The following FOCAD variants were observed in gnomAD, a reference collection of about 807,000 sequenced individuals.
The protein encoded by FOCAD is KIAA1797.
In FOCAD, 198 loss-of-function variants were observed where a neutral mutation model predicts 225.6. That is an observed-to-expected ratio of 0.88 (90% CI 0.78 to 0.99). The LOEUF (loss-of-function observed/expected upper bound fraction) is 0.99, where lower values mean the gene tolerates loss of function less well. Ranked by LOEUF, FOCAD falls within the 50% of genes least tolerant of loss-of-function variation. The pLI, the probability that FOCAD is intolerant of heterozygous loss-of-function variation, is 0.00. For missense variants in FOCAD, 2,713 were observed against 2,123.6 expected (o/e 1.28, Z -5.46); for synonymous variants, 897 against 755.0 (o/e 1.19, Z -3.08).
chr9:20,877,407 A>G (rs1004816593), intron 19 of FOCAD, among the ~76,000 whole-genome samples: 4 of 152,206 alleles, frequency 2.6e-5, no homozygotes, highest in African/African-American at 7.2e-5. Context: ...TTAAAAGGCA[A>G]TTTACTTGAG....
intron 16 of FOCAD, among the ~76,000 whole-genome samples, chr9:20,865,571 A>G (rs1331799651): frequency 6.6e-6 from 1 of 152,072 alleles, no homozygotes. Flanking sequence ...GAGGTGTACC[A>G]TGTGCCGTAT....
intron 15 of FOCAD, among the ~76,000 whole-genome samples, chr9:20,854,481 A>G (rs1827972273): frequency 6.6e-6 from 1 of 151,748 alleles, no homozygotes; most frequent in African/African-American, 2.4e-5. Flanking sequence ...ACTTCACCAT[A>G]GTCACACAGC....
intron 21 of FOCAD, among the ~76,000 whole-genome samples, chr9:20,890,620 T>C (rs750396670): frequency 2.6e-5 from 4 of 152,258 alleles, no homozygotes; most frequent in Non-Finnish European, 5.9e-5. Flanking sequence ...TGAGACATGT[T>C]GTTCTGTAGT....
chr9:20,949,267 T>C (rs181413086), intron 32 of FOCAD, among the ~76,000 whole-genome samples: 1 of 152,310 alleles, frequency 6.6e-6, no homozygotes, highest in East Asian at 1.9e-4. Flanking sequence ...ATGTCTGATA[T>C]ATGTCTATGT....
chr9:20,716,938 G>T (rs1216745584), intron 2 of FOCAD, among the ~76,000 whole-genome samples: 1 of 152,086 alleles, frequency 6.6e-6, no homozygotes, highest in Admixed American at 6.6e-5. Flanking sequence ...TTTCTTAGTG[G>T]CACACAGTAT....
At chr9:20,659,780 A>G (rs1351276933) in intron 2 of FOCAD, among the ~76,000 whole-genome samples, 2 of 152,232 alleles carry the variant, frequency 1.3e-5, no homozygotes, top group African/African-American at 4.8e-5. Context: ...GCATTGTGAA[A>G]GCATTGGAAA....
intron 38 of FOCAD, among the ~76,000 whole-genome samples, chr9:20,982,005 G>A (rs1840743302): frequency 1.3e-5 from 2 of 152,138 alleles, no homozygotes; most frequent in Admixed American, 6.5e-5. Context: ...TGGAGAATCC[G>A]TGGGCATGAG....
chr9:20,815,123 G>GGTTTTT lies in FOCAD; in HGVS notation c.1456-4673_1456-4672insGTTTTT, dbSNP rs796702774. On this transcript the variant is annotated intron_variant, in intron 11 of 43. Transcript: ENST00000338382. ...TCTGGAAATATCATTACTTCTCTTT[G>GGTTTTT]TTTTTTTTTTTTTGTTTTTTTTTTT... Among the ~76,000 whole-genome samples, 107 of 85,362 alleles carry GGTTTTT rather than the reference G, an allele frequency of 1.3e-3. 15 individuals carry two copies. The highest frequency in any genetic ancestry group is 2.0e-3 in the South Asian group (5 of 2,522). 56.0% of individuals were successfully genotyped at this position (85,362 alleles called of 152,430 possible). A position where few individuals can be genotyped will look rare whatever the true frequency, so the allele number is the denominator to read the frequency against.
chr9:20,777,892 G>C (rs1354693156), intron 8 of FOCAD, among the ~76,000 whole-genome samples: 2 of 151,872 alleles, frequency 1.3e-5, no homozygotes, highest in African/African-American at 2.4e-5. Flanking sequence ...CACGAGGTCA[G>C]GAGATCGAGA....
intron 2 of FOCAD, among the ~76,000 whole-genome samples, chr9:20,664,315 C>G (rs983645167): frequency 7.5e-5 from 11 of 147,152 alleles, no homozygotes; most frequent in African/African-American, 2.8e-4. Context: ...CTAGTATGAC[C>G]ATAGAAACAC....
chr9:20,932,925 A>G, intron 27 of FOCAD, 89 bp from the exon 28 acceptor site: 1 of 919,494 alleles, frequency 1.1e-6, no homozygotes. Flanking sequence ...TATTTCCAGT[A>G]AAATATTGAG....
At chr9:20,938,212 C>T (rs1836203305) in intron 28 of FOCAD, among the ~76,000 whole-genome samples, 1 of 152,200 alleles carries the variant, frequency 6.6e-6, no homozygotes, top group Non-Finnish European at 1.5e-5. Context: ...CCATTTGACC[C>T]AGCCATTCCA....
chr9:20,979,030 AG>A (rs1331658733), intron 37 of FOCAD, among the ~76,000 whole-genome samples: 2 of 152,320 alleles, frequency 1.3e-5, no homozygotes, highest in Middle Eastern at 3.4e-3. Flanking sequence ...TTTTTGATAG[AG>A]GGGGCTAGCA....
chr9:20,777,129 T>C (rs1818840412), intron 8 of FOCAD, among the ~76,000 whole-genome samples: 1 of 152,134 alleles, frequency 6.6e-6, no homozygotes, highest in Non-Finnish European at 1.5e-5. Flanking sequence ...GAGAGGATTT[T>C]GTAGGTTAAT....
chr9:20,662,099 G>A (rs574982427), intron 2 of FOCAD, among the ~76,000 whole-genome samples: 12 of 152,286 alleles, frequency 7.9e-5, no homozygotes, highest in African/African-American at 2.9e-4. Context: ...ACAAGTAGTG[G>A]ATGGGACATG....
intron 35 of FOCAD, among the ~76,000 whole-genome samples, chr9:20,970,360 G>A (rs1224232953): frequency 6.6e-6 from 1 of 151,900 alleles, no homozygotes; most frequent in Admixed American, 6.6e-5. Context: ...TGTATCCTTA[G>A]GCTCATACTT....
chr9:20,782,593 C>CT (rs1357451618), intron 10 of FOCAD, among the ~76,000 whole-genome samples: 1 of 152,166 alleles, frequency 6.6e-6, no homozygotes, highest in Non-Finnish European at 1.5e-5. Flanking sequence ...ATTTACCAGA[C>CT]TTTTTTTGTT....
intron 2 of FOCAD, among the ~76,000 whole-genome samples, chr9:20,674,173 T>A (rs1563868548): frequency 6.6e-6 from 1 of 152,176 alleles, no homozygotes; most frequent in African/African-American, 2.4e-5. Context: ...CAATTAAATA[T>A]CTTATATTAG....
intron 21 of FOCAD, among the ~76,000 whole-genome samples, chr9:20,902,791 T>C (rs1484797767): frequency 2.6e-5 from 4 of 151,790 alleles, no homozygotes; most frequent in Non-Finnish European, 4.4e-5. Flanking sequence ...AAATCAGAAA[T>C]TTCAAACTTG....
Sources: gnomAD v4.1 joint callset for allele counts (sites outside exome capture counted in the v4.1 genomes callset) on GRCh38, gnomAD v4.1.1 for gene constraint, MANE v1.5 for transcripts, NCBI Gene and HGNC (gene_info 2026-07-23, HGNC 2026-07-21) for gene names.